GBX1: variants seen among roughly 807,000 people sequenced by gnomAD.
GBX1 encodes homeobox protein GBX-1.
A neutral mutation model predicts 22.9 loss-of-function variants in GBX1; 9 were observed. The observed-to-expected ratio is 0.39, with a 90% CI of 0.24 to 0.69. The LOEUF is 0.69. Among genes scored for constraint, GBX1 ranks in the 30% least tolerant of loss-of-function variants. The pLI, the probability that GBX1 is intolerant of heterozygous loss-of-function variation, is 0.43. For synonymous variants in GBX1, 203 were observed against 227.3 expected, an observed-to-expected ratio of 0.89 and a Z score of 0.96; for missense variants, 494 against 509.2, an observed-to-expected ratio of 0.97 and a Z score of 0.29.
At chr7:151,164,639 A>G (rs757099419) in intron 1 of GBX1, among the ~76,000 whole-genome samples, 3 of 152,050 alleles carry the variant, frequency 2.0e-5, no homozygotes, top group Non-Finnish European at 4.4e-5. Context: ...AACCCTTTAC[A>G]TGTATCTCCT....
chr7:151,152,132 G>T (rs1225674567), intron 1 of GBX1, among the ~76,000 whole-genome samples: 3 of 152,148 alleles, frequency 2.0e-5, no homozygotes, highest in African/African-American at 4.8e-5. Flanking sequence ...TCTTGAAAAT[G>T]ACCTGACACT....
At chr7:151,164,446 T>C (rs1285724081) in intron 1 of GBX1, among the ~76,000 whole-genome samples, 1 of 152,216 alleles carries the variant, frequency 6.6e-6, no homozygotes, top group Non-Finnish European at 1.5e-5. Flanking sequence ...TCTCAATGAT[T>C]TCTGGAAAAA....
At chr7:151,155,543 T>TTCTC (rs142601095) in intron 1 of GBX1, among the ~76,000 whole-genome samples, 1 of 150,380 alleles carries the variant, frequency 6.6e-6, no homozygotes, top group Non-Finnish European at 1.5e-5. Flanking sequence ...CATTTTCATT[T>TTCTC]TCTCTCTCTC....
chr7:151,152,266 G>A (rs56267091), intron 1 of GBX1, among the ~76,000 whole-genome samples: 4,577 of 151,968 alleles, frequency 0.03, 226 homozygotes, highest in African/African-American at 0.1. Context: ...AAGCCTCTCC[G>A]ACGATATTCC....
chr7:151,164,740 C>T (rs1035712382), intron 1 of GBX1, among the ~76,000 whole-genome samples: 3 of 148,134 alleles, frequency 2.0e-5, no homozygotes, highest in South Asian at 2.1e-4. Flanking sequence ...AAAAAAAATT[C>T]CTTGCCTTTA....
intron 1 of GBX1, among the ~76,000 whole-genome samples, chr7:151,157,531 G>T (rs1309899546): frequency 6.6e-6 from 1 of 152,128 alleles, no homozygotes; most frequent in Admixed American, 6.5e-5. Context: ...CTAGCCAGTG[G>T]GGAAACAAAG....
chr7:151,157,269 C>T (rs1365831077), intron 1 of GBX1, among the ~76,000 whole-genome samples: 1 of 152,304 alleles, frequency 6.6e-6, no homozygotes. Flanking sequence ...GCACTCCAGC[C>T]TGGGCAACAG....
intron 1 of GBX1, among the ~76,000 whole-genome samples, chr7:151,155,274 G>T (rs996679782): frequency 1.3e-5 from 2 of 152,138 alleles, no homozygotes; most frequent in Non-Finnish European, 2.9e-5. Flanking sequence ...GTTCCAGTTT[G>T]GGTGGGGTCA....
chr7:151,152,954 A>G (rs1300766683), intron 1 of GBX1, among the ~76,000 whole-genome samples: 1 of 152,212 alleles, frequency 6.6e-6, no homozygotes, highest in Non-Finnish European at 1.5e-5. Flanking sequence ...GGGGTGGGAC[A>G]ATAGAAGAAA....
chr7:151,148,593 G>A lies in GBX1; in HGVS notation c.1088C>T (p.Pro363Leu). The change falls in exon 2 of 2, where the codon CCC becomes CTC. Residue 363 changes from proline to leucine, a missense_variant. Transcript: ENST00000297537. This position sits in a 1 kb window ranked among gnomAD's most constrained non-coding sequence, Gnocchi z 5.1. Reference sequence around the variant, plus strand: ...CCTAAGTTCTTGGGTGCCCATTCAGGGCCGGGCCCCCTGCTCCATTTGTTG... The same window carrying A: ...CCTAAGTTCTTGGGTGCCCATTCAGAGCCGGGCCCCCTGCTCCATTTGTTG... The part of the protein sequence containing the change: ...QHQQMEQGAR[P>L] The A allele has an allele frequency of 1.2e-6, 2 of 1,612,658 alleles. No individual in the cohort carries two copies. The highest frequency in any genetic ancestry group is 1.7e-6 in the Non-Finnish European group (2 of 1,178,966).
chr7:151,148,644 T>C lies in GBX1; in HGVS notation c.1037A>G (p.Asn346Ser). 1 of 1,614,086 alleles carries C rather than the reference T, an allele frequency of 6.2e-7. No homozygotes were observed. The highest frequency in any genetic ancestry group is 8.5e-7 in the Non-Finnish European group (1 of 1,180,014). The stretch of plus-strand genomic sequence containing the variant: ...GTGCTGGCTCCGCACAGCAAACCTG[T>C]TGACATGCACAGGTATGGGGACAAC... ...KIVVPIPVHVNRFAVRSQHQQ... is the reference protein window; with the variant it reads ...KIVVPIPVHVSRFAVRSQHQQ... Residue 346 changes from asparagine to serine, a missense_variant, in exon 2 of 2, where the codon AAC (asparagine) becomes AGC (serine). By Grantham distance (46) the Asn-to-Ser change is conservative (BLOSUM62 1). Around this residue, in one of 3 missense-constraint regions of GBX1, gnomAD observed 124 missense variants for 152.0 expected, o/e 0.82. Coordinates refer to ENST00000297537, the MANE Select transcript of GBX1 (RefSeq NM_001098834.3). The surrounding 1 kb of genome is among the most constrained non-coding windows in gnomAD (Gnocchi z 5.1).
At position 151,165,649 on chromosome 7, in the gene GBX1, T is replaced by A. The variant is rs1801240626; in HGVS notation, c.538+1362A>T. On this transcript the variant is annotated intron_variant, in intron 1 of 1. Coordinates refer to ENST00000297537, the MANE Select transcript of GBX1 (RefSeq NM_001098834.3). ...GTTCCTTATGATCCCCCTTAGAAGATGCTATTCTGACTTCAGTTACTGGGT... is the reference window on the plus strand; with the variant it reads ...GTTCCTTATGATCCCCCTTAGAAGAAGCTATTCTGACTTCAGTTACTGGGT... Among the ~76,000 whole-genome samples, 3 of 152,296 alleles carry A rather than the reference T, an allele frequency of 2.0e-5. No homozygotes were observed. The South Asian group carries it at 6.2e-4, about 32-fold the overall frequency.
intron 1 of GBX1, among the ~76,000 whole-genome samples, chr7:151,165,163 G>A (rs567276776): frequency 7.2e-5 from 11 of 151,830 alleles, no homozygotes; most frequent in African/African-American, 2.4e-4. Flanking sequence ...CTCTATTCTT[G>A]TTTCATCAGT....
chr7:151,164,494 GGAAGA>G (rs1173115701), intron 1 of GBX1, among the ~76,000 whole-genome samples: 2 of 152,160 alleles, frequency 1.3e-5, no homozygotes, highest in African/African-American at 4.8e-5. Context: ...GGCTTGCCCA[GGAAGA>G]GTTGGAAGCG....
At chr7:151,162,375 T>C (rs1801195734) in intron 1 of GBX1, among the ~76,000 whole-genome samples, 1 of 152,224 alleles carries the variant, frequency 6.6e-6, no homozygotes, top group Non-Finnish European at 1.5e-5. Flanking sequence ...ATCCAAATGT[T>C]CCCTAGCTAC....
chr7:151,156,559 T>C (rs369616192), intron 1 of GBX1, among the ~76,000 whole-genome samples: 3 of 152,246 alleles, frequency 2.0e-5, no homozygotes, highest in African/African-American at 7.2e-5. Context: ...CTCACCAAAC[T>C]TCACCTGTCC....
chr7:151,158,531 G>T (rs913846344), intron 1 of GBX1, among the ~76,000 whole-genome samples: 19 of 151,828 alleles, frequency 1.3e-4, no homozygotes, highest in African/African-American at 4.6e-4. Flanking sequence ...TTTTCAGCAG[G>T]CTTGGGATTT....
At chr7:151,165,186 T>A (rs987917599) in intron 1 of GBX1, among the ~76,000 whole-genome samples, 1 of 152,180 alleles carries the variant, frequency 6.6e-6, no homozygotes, top group Non-Finnish European at 1.5e-5. Context: ...TTCTCTTCTG[T>A]TTTTTCTCTG....
chr7:151,166,868 A>C (rs1378943413), intron 1 of GBX1, 143 bp downstream of exon 1: 1 of 762,516 alleles, frequency 1.3e-6, no homozygotes, highest in East Asian at 2.8e-5. Context: ...ACTGAATTGG[A>C]GTCAGAACCT....
Sources: allele counts gnomAD v4.1 joint callset (sites outside exome capture counted in the v4.1 genomes callset), GRCh38; gene constraint gnomAD v4.1.1; regional missense constraint gnomAD v4.1.1; non-coding constraint Gnocchi (gnomAD v3.1); transcripts MANE v1.5; gene names NCBI Gene and HGNC (gene_info 2026-07-23, HGNC 2026-07-21).